MTMR9: variants seen among roughly 807,000 people sequenced by gnomAD.
The protein encoded by MTMR9 is myotubularin related protein 9.
Under a neutral mutation model 69.5 loss-of-function variants are expected in MTMR9, and 39 were observed. The observed-to-expected ratio is 0.56, with a 90% confidence interval of 0.43 to 0.73. The LOEUF is 0.73. MTMR9 is among the 30% of genes least tolerant of loss of function. The pLI is 0.00. For synonymous variants in MTMR9, 354 were observed against 240.8 expected (o/e 1.47, Z -4.35); for missense variants, 900 against 671.2 (o/e 1.34, Z -3.77).
chr8:11,320,768 A>T (rs1191099674), intron 9 of MTMR9: 1 of 152,212 alleles, frequency 6.6e-6, no homozygotes, highest in Non-Finnish European at 1.5e-5. Flanking sequence ...ACCAAAATCT[A>T]TCTGAACTAT....
chr8:11,285,258 AC>A lies in MTMR9; in HGVS notation c.182+190del, dbSNP rs1799106224. On this transcript the variant is annotated intron_variant, in intron 1 of 9. Coordinates refer to ENST00000221086, the MANE Select transcript of MTMR9 (RefSeq NM_015458.4). ...AGATGGAGGACCCGGTTTCCATTAA[AC>A]CTGGATGGAGTTCTCAGGGTTATCG... 1.6e-5 allele frequency: 9 copies of A among 557,524 alleles called. No homozygotes were observed. In the South Asian group the frequency reaches 1.9e-4, roughly 12 times the overall value. The allele number at this position is 557,524 out of a possible 1,614,324, so 34.5% of individuals were successfully genotyped here.
chr8:11,325,564 G>A lies in MTMR9; in HGVS notation c.*2776G>A, dbSNP rs770257710. On this transcript the variant is annotated 3_prime_UTR_variant, in exon 10 of 10. Transcript: ENST00000221086. ...AAGCTGGTTTTTATACAGGAGATAC[G>A]TAAAGTAGGCCCCACAAATAATATT... is the stretch of plus-strand genomic sequence containing the variant. The A allele has an allele frequency of 7.2e-5, 11 of 152,018 alleles. No homozygotes were observed. The highest frequency in any genetic ancestry group is 1.9e-4 in the East Asian group (1 of 5,192). The allele number at this position is 152,018 out of a possible 1,614,324, so 9.4% of individuals were successfully genotyped here.
At chr8:11,296,352 C>G (rs1799563513) in intron 2 of MTMR9, among the ~76,000 whole-genome samples, 1 of 152,066 alleles carries the variant, frequency 6.6e-6, no homozygotes, top group Non-Finnish European at 1.5e-5. Context: ...TTTGAGGGTC[C>G]TCTGTCATTA....
chr8:11,313,993 T>C (rs145994126), intron 6 of MTMR9, among the ~76,000 whole-genome samples: 455 of 152,300 alleles, frequency 3.0e-3, no homozygotes, highest in African/African-American at 0.01. Flanking sequence ...CAAGGGAAGA[T>C]CCATGAACGA....
downstream of MTMR9, chr8:11,331,523 C>T (rs145037786): frequency 8.5e-5 from 137 of 1,613,652 alleles, 1 homozygote; most frequent in South Asian, 3.5e-4. Flanking sequence ...GTTCTTCCAC[C>T]GTATGCTCCG....
downstream of MTMR9, among the ~76,000 whole-genome samples, chr8:11,332,628 A>C (rs562215267): frequency 4.6e-5 from 7 of 151,870 alleles, no homozygotes; most frequent in Non-Finnish European, 7.4e-5. Flanking sequence ...CTGAGACAGA[A>C]TCTTGCTCTG....
chr8:11,330,234 C>T (rs555174404), downstream of MTMR9, among the ~76,000 whole-genome samples: 245 of 151,248 alleles, frequency 1.6e-3, 1 homozygote, highest in African/African-American at 5.1e-3. Flanking sequence ...CCGCCCCGTC[C>T]GGGAGGGAGG....
chr8:11,287,068 C>G (rs1799189969), intron 1 of MTMR9, among the ~76,000 whole-genome samples: 1 of 152,204 alleles, frequency 6.6e-6, no homozygotes, highest in Non-Finnish European at 1.5e-5. Context: ...AGCCTGTTAC[C>G]TGTCTATGAG....
downstream of MTMR9, chr8:11,330,762 C>G: frequency 2.4e-6 from 1 of 412,230 alleles, no homozygotes; most frequent in Non-Finnish European, 4.3e-6. Context: ...CTCAAGTACC[C>G]AGGGACACAA....
intron 6 of MTMR9, among the ~76,000 whole-genome samples, chr8:11,313,520 G>C (rs953115625): frequency 6.6e-6 from 1 of 152,212 alleles, no homozygotes; most frequent in Non-Finnish European, 1.5e-5. Context: ...TCCTCACTAA[G>C]CTTAATCATT....
At position 11,304,971 on chromosome 8, in the gene MTMR9, G is replaced by A; in HGVS notation, c.548G>A (p.Gly183Glu). The change falls in exon 4 of 10, where the codon GGG becomes GAG. Residue 183 changes from glycine (G) to glutamate (E), a missense_variant. Transcript: ENST00000221086. ...LRKVATFRHG[G>E]RFPVLSYYHK... ...AAGGTAGCTACATTTCGACATGGAG[G>A]GCGCTTCCCAGTACTAAGCTATTAC... 6.2e-7 allele frequency: 1 copy of A among 1,614,082 alleles called. No individual in the cohort carries two copies. The highest frequency in any genetic ancestry group is 8.5e-7 in the Non-Finnish European group (1 of 1,179,972).
rs543095353 is a variant in MTMR9 at position 11,286,324 on chromosome 8, G to C, written c.182+1254G>C. Among the ~76,000 whole-genome samples, 3 of 151,702 alleles carry C rather than the reference G, an allele frequency of 2.0e-5. No individual in the cohort carries two copies. The South Asian group carries it at 6.3e-4, about 32-fold the overall frequency. The stretch of plus-strand genomic sequence containing the variant: ...CCATGGTAGATTGATTGATTGATAT[G>C]AGCAGGGGGCTCTTATTAGTCTCCT... On this transcript the variant is annotated intron_variant, in intron 1 of 9. Transcript: ENST00000221086.
chr8:11,293,863 G>A (rs1381526739), intron 1 of MTMR9, among the ~76,000 whole-genome samples: 1 of 151,338 alleles, frequency 6.6e-6, no homozygotes, highest in Non-Finnish European at 1.5e-5. Flanking sequence ...ACGTGTAAGT[G>A]GATCTATTTC....
At chr8:11,303,594 C>T (rs145078042) in intron 3 of MTMR9, among the ~76,000 whole-genome samples, 160 of 152,080 alleles carry the variant, frequency 1.1e-3, no homozygotes, top group African/African-American at 3.7e-3. Context: ...AGTGCAGTGG[C>T]GCTGTCACAG....
chr8:11,335,096 G>A, the MTMR9 span, among the ~76,000 whole-genome samples: 3 of 152,146 alleles, frequency 2.0e-5, no homozygotes, highest in African/African-American at 7.2e-5. Flanking sequence ...GACAGAAACA[G>A]AAAAAGTATA....
downstream of MTMR9, among the ~76,000 whole-genome samples, chr8:11,328,490 G>T (rs929367182): frequency 1.3e-5 from 2 of 151,988 alleles, no homozygotes; most frequent in African/African-American, 4.8e-5. Flanking sequence ...ACATATTATT[G>T]ATTTAGTATG....
the MTMR9 span, among the ~76,000 whole-genome samples, chr8:11,335,235 G>A: frequency 2.0e-5 from 3 of 152,282 alleles, no homozygotes; most frequent in Admixed American, 2.0e-4. Context: ...CAGGGTGCAT[G>A]GTTAATTTAC....
At chr8:11,332,236 G>C (rs1236273065), downstream of MTMR9, 9 of 1,462,214 alleles carry the variant, frequency 6.2e-6, no homozygotes, top group African/African-American at 1.4e-5. Flanking sequence ...CTAGGAAAGA[G>C]TGAAAGTCTA....
Position 11,325,777 on chromosome 8 carries a change from A to G in MTMR9, c.*2989A>G, listed in dbSNP as rs1233360027. ...TATTTGGTCAAAATTTTTTATTTTG[A>G]TTTTATTAAATGGGAAGAAAGCAAG... On this transcript the variant is annotated 3_prime_UTR_variant, in exon 10 of 10. Coordinates refer to ENST00000221086, the MANE Select transcript of MTMR9 (RefSeq NM_015458.4). 6.6e-6 allele frequency: 1 copy of G among 151,342 alleles called. No individual in the cohort carries two copies. The highest frequency in any genetic ancestry group is 2.4e-5 in the African/African-American group (1 of 41,148). 9.4% of individuals were successfully genotyped at this position (151,342 alleles called of 1,614,324 possible).
Sources: allele counts gnomAD v4.1 joint callset (sites outside exome capture counted in the v4.1 genomes callset), GRCh38; gene constraint gnomAD v4.1.1; transcripts MANE v1.5; gene names NCBI Gene and HGNC (gene_info 2026-07-23, HGNC 2026-07-21).